Variants in PTPRS observed in about 807,000 individuals in gnomAD.
PTPRS encodes the protein protein tyrosine phosphatase receptor type S.
In PTPRS, 63 loss-of-function variants were observed where a neutral mutation model predicts 215.3. The observed-to-expected ratio is 0.29, with a 90% CI of 0.24 to 0.36. The LOEUF (loss-of-function observed/expected upper bound fraction) is 0.36, where lower values mean the gene tolerates loss of function less well. Ranked by LOEUF, PTPRS falls within the 10% of genes least tolerant of loss-of-function variation. The probability of loss-of-function intolerance (pLI) is 1.00; values close to 1 mark genes in which losing one functional copy is unlikely to be tolerated. For synonymous variants in PTPRS, 1,404 were observed against 1,191.4 expected (o/e 1.18, Z -3.68); for missense variants, 2,258 against 2,825.8 (o/e 0.80, Z 4.56).
chr19:5,328,321 G>A (rs541189448), intron 1 of PTPRS, among the ~76,000 whole-genome samples: 18 of 152,120 alleles, frequency 1.2e-4, no homozygotes, highest in African/African-American at 4.3e-4. Context: ...TGTTGGCCAG[G>A]TTGGTCTCAA....
rs1448227112 is a variant in PTPRS at position 5,245,975 on chromosome 19, G to A, written c.789C>T (p.Asn263=). The A allele has an allele frequency of 1.2e-6, 2 of 1,604,792 alleles. No individual in the cohort carries two copies. The highest frequency in any genetic ancestry group is 1.7e-5 in the Admixed American group (1 of 59,304). The change falls in exon 10 of 38, where the codon AAC becomes AAT. Residue 263 remains asparagine, a synonymous_variant. Transcript: ENST00000262963. ...SHEIMPGGNV[N]ITCVAVGSPM... ...GCGAGCCCACGGCCACGCAGGTGAT[G>A]TTCACGTTGCCCCCTGGCATGATCT... is the stretch of plus-strand genomic sequence containing the variant.
At chr19:5,330,515 C>T (rs1238146040) in intron 1 of PTPRS, among the ~76,000 whole-genome samples, 1 of 152,218 alleles carries the variant, frequency 6.6e-6, no homozygotes, top group African/African-American at 2.4e-5. Flanking sequence ...AACCTCATCA[C>T]CCCTAACGGT....
At position 5,295,596 on chromosome 19, in the gene PTPRS, C is replaced by T. The variant is rs1730873791; in HGVS notation, c.-94-9362G>A. 6.6e-6 allele frequency among the ~76,000 whole-genome samples: 1 copy of T among 152,224 alleles called. No homozygotes were observed. The highest frequency in any genetic ancestry group is 2.4e-5 in the African/African-American group (1 of 41,462). On this transcript the variant is annotated intron_variant, in intron 1 of 37. Transcript: ENST00000262963. The surrounding 1 kb of genome is among the most constrained non-coding windows in gnomAD (Gnocchi z 4.6). ...ATTTGTCTCGGTCACCCAGTGTCCC[C>T]AGCACCTAGCACAGGTCCACAGTAC...
At position 5,212,494 on chromosome 19, in the gene PTPRS, G is replaced by A; in HGVS notation, c.4615-3C>T. The A allele has an allele frequency of 1.9e-6, 3 of 1,585,618 alleles. No homozygotes were observed. The highest frequency in any genetic ancestry group is 2.6e-6 in the Non-Finnish European group (3 of 1,165,158). On this transcript the variant is annotated splice_region_variant and splice_polypyrimidine_tract_variant and intron_variant, in intron 30 of 37. Coordinates refer to ENST00000262963, the MANE Select transcript of PTPRS (RefSeq NM_002850.4). ...TCGCGTTTCTCACTGGAGCCATTCT[G>A]GGGACCACAAGGATGTCACCTGTCA...
Position 5,215,745 on chromosome 19 carries a change from C to T in PTPRS, c.4097-150G>A, listed in dbSNP as rs186717667. 322 of 633,998 alleles carry T rather than the reference C, an allele frequency of 5.1e-4. 2 individuals carry two copies. The East Asian group carries it at 8.6e-3, about 17-fold the overall frequency. The allele number at this position is 633,998 out of a possible 1,614,324, so 39.3% of individuals were successfully genotyped here. A position where few individuals can be genotyped will look rare whatever the true frequency, so the allele number is the denominator to read the frequency against. ...GGTGGGGCTTGGCAGGAGGGGAAGACTCAGGGTGGCTCATGAAGGGGCTGG... is the reference window on the plus strand; with the variant it reads ...GGTGGGGCTTGGCAGGAGGGGAAGATTCAGGGTGGCTCATGAAGGGGCTGG... On this transcript the variant is annotated intron_variant, in intron 26 of 37. Transcript: ENST00000262963.
rs555156092 is a variant in PTPRS, at chr19:5,214,485, A to C, written c.4495-5T>G. On this transcript the variant is annotated splice_polypyrimidine_tract_variant and splice_region_variant and intron_variant, in intron 29 of 37. Coordinates refer to ENST00000262963, the MANE Select transcript of PTPRS (RefSeq NM_002850.4). Reference sequence around the variant, plus strand: ...CCAATACTGATCACACTTGATCTGTATCGGGCAAGAGAACAGGTGTCAGCA... The same window carrying C: ...CCAATACTGATCACACTTGATCTGTCTCGGGCAAGAGAACAGGTGTCAGCA... The C allele has an allele frequency of 8.7e-6, 14 of 1,614,096 alleles. No homozygotes were observed. Among genetic ancestry groups the C allele is most frequent in the Non-Finnish European group, 1.2e-5 (14 of 1,180,014 alleles).
rs2040326857 is a variant in PTPRS at position 5,205,878 on chromosome 19, A to G, written c.*896T>C. On this transcript the variant is annotated 3_prime_UTR_variant, in exon 38 of 38. Transcript: ENST00000262963. ...TCCTCTTACAGCAGCGTCCCCCTCA[A>G]CCGCACCCAACGCCACTGGGTCCGA... Among the ~76,000 whole-genome samples the G allele has an allele frequency of 6.6e-6, 1 of 152,006 alleles. No individual in the cohort carries two copies. The highest frequency in any genetic ancestry group is 1.5e-5 in the Non-Finnish European group (1 of 67,988).
chr19:5,269,196 G>A (rs545317458), intron 4 of PTPRS, among the ~76,000 whole-genome samples: 15 of 152,180 alleles, frequency 9.9e-5, no homozygotes, highest in African/African-American at 2.9e-4. Context: ...CCGTGCCCAC[G>A]TGTCCACACG....
chr19:5,245,831 G>T lies in PTPRS; in HGVS notation c.933C>A (p.Cys311Ter). ...TDVKDSANYT[C>*]VAMSSLGVIE... Reference sequence around the variant, plus strand: ...TGACGCCCAGGCTGGACATGGCCACGCAGGTGTAGTTGGCCGAGTCCTTGA... The same window carrying T: ...TGACGCCCAGGCTGGACATGGCCACTCAGGTGTAGTTGGCCGAGTCCTTGA... Residue 311 changes from cysteine (C) to a stop codon, truncating the protein, a stop_gained, in exon 10 of 38, where the codon TGC becomes TGA. Coordinates refer to ENST00000262963, the MANE Select transcript of PTPRS (RefSeq NM_002850.4). LOFTEE classifies it high-confidence loss of function. 1 of 1,613,422 alleles carries T rather than the reference G, an allele frequency of 6.2e-7. No homozygotes were observed. The highest frequency in any genetic ancestry group is 1.1e-5 in the South Asian group (1 of 90,928).
chr19:5,264,277 C>G (rs1008526444), intron 5 of PTPRS, among the ~76,000 whole-genome samples: 29 of 152,202 alleles, frequency 1.9e-4, no homozygotes, highest in African/African-American at 6.8e-4. Context: ...GCTTCCACTA[C>G]TCCTGCCTGT....
intron 13 of PTPRS, among the ~76,000 whole-genome samples, chr19:5,233,380 G>A (rs2043175888): frequency 1.3e-5 from 2 of 151,730 alleles, no homozygotes; most frequent in South Asian, 4.2e-4. Context: ...CTACGTGCCA[G>A]GTACCATGCC....
chr19:5,223,008 G>C lies in PTPRS; in HGVS notation c.2784C>G (p.Pro928=). The change falls in exon 18 of 38, where the codon CCC becomes CCG. Residue 928 remains proline, a synonymous_variant. Coordinates refer to ENST00000262963, the MANE Select transcript of PTPRS (RefSeq NM_002850.4). ...CCTCCAGAATCTGCGGGTGGCCACG[G>C]GGCGTGTCCTCCGGGATGCTCAGGA... is the stretch of plus-strand genomic sequence containing the variant. The part of the protein sequence containing the change: ...AEVLSIPEDT[P]RGHPQILEAA... The C allele has an allele frequency of 6.5e-7, 1 of 1,542,886 alleles. No individual in the cohort carries two copies.
intron 2 of PTPRS, among the ~76,000 whole-genome samples, chr19:5,282,588 A>C (rs2047951249): frequency 6.6e-6 from 1 of 152,158 alleles, no homozygotes; most frequent in Non-Finnish European, 1.5e-5. Flanking sequence ...AGATCACCTG[A>C]GGTCAAGAGT....
chr19:5,252,729 C>T (rs1432998782), intron 9 of PTPRS, among the ~76,000 whole-genome samples: 1 of 151,198 alleles, frequency 6.6e-6, no homozygotes, highest in Non-Finnish European at 1.5e-5. Flanking sequence ...CAAAAATTAG[C>T]CAGGCGTGGT....
rs77638554 is a variant in PTPRS at position 5,286,214 on chromosome 19, G to T, written c.-74C>A. The T allele has an allele frequency of 4.3e-4, 655 of 1,540,520 alleles. 1 individual carries two copies. The highest frequency in any genetic ancestry group is 4.0e-3 in the Middle Eastern group (24 of 5,934). On this transcript the variant is annotated 5_prime_UTR_variant, in exon 2 of 38. Transcript: ENST00000262963. ...GTCCCTCACAGAGAGGCCTCGAGCC[G>T]AGCGTCAGATGGGGCAACGTCTGCA...
At chr19:5,278,876 T>C (rs1386331423) in intron 2 of PTPRS, among the ~76,000 whole-genome samples, 1 of 151,984 alleles carries the variant, frequency 6.6e-6, no homozygotes, top group African/African-American at 2.4e-5. Context: ...TCGCAAATGG[T>C]ACCGTTGTAC....
chr19:5,270,197 G>C (rs1412762699), intron 4 of PTPRS, among the ~76,000 whole-genome samples: 2 of 152,154 alleles, frequency 1.3e-5, no homozygotes, highest in Non-Finnish European at 2.9e-5. Flanking sequence ...ATGGGATCCA[G>C]GACCCACGCA....
chr19:5,337,048 C>G (rs922590025), intron 1 of PTPRS, among the ~76,000 whole-genome samples: 1 of 152,194 alleles, frequency 6.6e-6, no homozygotes, highest in African/African-American at 2.4e-5. Context: ...GAGACCCTCC[C>G]AGAAGGGGGC....
At chr19:5,253,288 C>G (rs1268257689) in intron 9 of PTPRS, among the ~76,000 whole-genome samples, 4 of 152,176 alleles carry the variant, frequency 2.6e-5, no homozygotes, top group Non-Finnish European at 4.4e-5. Context: ...TATTTTACCC[C>G]CTGTACCACC....
Sources: allele counts gnomAD v4.1 joint callset (sites outside exome capture counted in the v4.1 genomes callset), GRCh38; gene constraint gnomAD v4.1.1; non-coding constraint Gnocchi (gnomAD v3.1); transcripts MANE v1.5; gene names NCBI Gene and HGNC (gene_info 2026-07-23, HGNC 2026-07-21).